The following SCAPER variants were observed in gnomAD, a reference collection of about 807,000 sequenced individuals.
SCAPER encodes S-phase cyclin A associated protein in the ER.
Under a neutral mutation model 182.2 loss-of-function variants are expected in SCAPER, and 98 were observed. That is an observed-to-expected ratio of 0.54 (90% CI 0.46 to 0.64). The LOEUF (loss-of-function observed/expected upper bound fraction) is 0.64, where lower values mean the gene tolerates loss of function less well. Among genes scored for constraint, SCAPER ranks in the 30% least tolerant of loss-of-function variants. The pLI, the probability that SCAPER is intolerant of heterozygous loss-of-function variation, is 0.00. For synonymous variants in SCAPER, 605 were observed against 564.6 expected (o/e 1.07, Z -1.01); for missense variants, 1,432 against 1,690.0 (o/e 0.85, Z 2.68).
intron 19 of SCAPER, 39 bp from the exon 20 acceptor site, chr15:76,701,904 A>T: frequency 6.8e-7 from 1 of 1,463,696 alleles, no homozygotes; most frequent in Non-Finnish European, 9.6e-7. Context: ...TCAATATAAC[A>T]TTATATGAAT....
intron 1 of SCAPER, among the ~76,000 whole-genome samples, chr15:76,899,100 A>G (rs2074598760): frequency 6.6e-6 from 1 of 152,236 alleles, no homozygotes; most frequent in Non-Finnish European, 1.5e-5. Flanking sequence ...AAAAATCTGT[A>G]ACACTATCTT....
In SCAPER at chr15:76,559,570, G is replaced by A. The variant is rs188759133; in HGVS notation, c.2838+14588C>T. On this transcript the variant is annotated intron_variant, in intron 23 of 31. Coordinates refer to ENST00000563290, the MANE Select transcript of SCAPER (RefSeq NM_020843.4). Reference sequence around the variant, plus strand: ...CAGTTCTTTATAGCAGTATGAAACAGACTAATACAATGTCCTTTACAGGAA... The same window carrying A: ...CAGTTCTTTATAGCAGTATGAAACAAACTAATACAATGTCCTTTACAGGAA... Among the ~76,000 whole-genome samples, 7 of 152,266 alleles carry A rather than the reference G, an allele frequency of 4.6e-5. No homozygotes were observed. In the East Asian group the frequency reaches 1.4e-3, roughly 29 times the overall value.
chr15:76,427,115 C>G (rs2142429627), intron 26 of SCAPER, among the ~76,000 whole-genome samples: 1 of 152,176 alleles, frequency 6.6e-6, no homozygotes, highest in South Asian at 2.1e-4. Flanking sequence ...TATGAATGTA[C>G]TAGAAGAAAA....
At chr15:76,387,355 T>C (rs2043356491) in intron 27 of SCAPER, among the ~76,000 whole-genome samples, 1 of 152,208 alleles carries the variant, frequency 6.6e-6, no homozygotes, top group Admixed American at 6.5e-5. Flanking sequence ...TTCCCAAGCA[T>C]AGGGATTTTT....
intron 29 of SCAPER, among the ~76,000 whole-genome samples, chr15:76,370,143 G>T (rs1434872461): frequency 6.6e-6 from 1 of 151,940 alleles, no homozygotes; most frequent in Non-Finnish European, 1.5e-5. Flanking sequence ...GTCCCCATGA[G>T]ATCAAAATGC....
Position 76,771,960 on chromosome 15 carries a change from A to G in SCAPER, c.1036-6T>C. The G allele has an allele frequency of 6.3e-7, 1 of 1,593,712 alleles. No homozygotes were observed. Among genetic ancestry groups the G allele is most frequent in the Non-Finnish European group, 8.6e-7 (1 of 1,166,902 alleles). ...TCCAATGTACTCACTGTGAACTAAC[A>G]AAACGTAGAGAATGAATCAGAGATA... On this transcript the variant is annotated splice_polypyrimidine_tract_variant and splice_region_variant and intron_variant, in intron 9 of 31. Coordinates refer to ENST00000563290, the MANE Select transcript of SCAPER (RefSeq NM_020843.4).
chr15:76,780,335 G>A (rs1266960497), intron 8 of SCAPER, among the ~76,000 whole-genome samples: 12 of 152,232 alleles, frequency 7.9e-5, no homozygotes, highest in African/African-American at 2.2e-4. Context: ...AGGGGCATCC[G>A]CCATTGCTGA....
chr15:76,441,574 A>G (rs2047603641), intron 25 of SCAPER, among the ~76,000 whole-genome samples: 1 of 152,142 alleles, frequency 6.6e-6, no homozygotes, highest in Non-Finnish European at 1.5e-5. Flanking sequence ...ATACTAAGTC[A>G]GTCTGTCTCT....
At chr15:76,753,685 T>C in intron 15 of SCAPER, 123 bp downstream of exon 15, 7 of 1,138,384 alleles carry the variant, frequency 6.1e-6, no homozygotes, top group Non-Finnish European at 8.5e-6. Flanking sequence ...AATGAGTGTG[T>C]AAAATGCTGT....
chr15:76,738,884 AAT>A (rs779067867), intron 15 of SCAPER, among the ~76,000 whole-genome samples: 24 of 152,342 alleles, frequency 1.6e-4, no homozygotes, highest in Middle Eastern at 3.4e-3. Context: ...TGTTGGAAAA[AAT>A]GGCAAAAATA....
chr15:76,865,840 T>C (rs776326075), intron 2 of SCAPER, among the ~76,000 whole-genome samples: 1 of 152,164 alleles, frequency 6.6e-6, no homozygotes, highest in Non-Finnish European at 1.5e-5. Context: ...GTACCCATAT[T>C]CCTTCATTCC....
Position 76,367,999 on chromosome 15 carries a change from C to A in SCAPER, c.3855+8163G>T, listed in dbSNP as rs2041919921. On this transcript the variant is annotated intron_variant, in intron 29 of 31. Transcript: ENST00000563290. The stretch of plus-strand genomic sequence containing the variant: ...AATGGTTGCACTGCTGAAACTCAGG[C>A]TCTTCCTTAGACATGATGTATTTCT... Among the ~76,000 whole-genome samples the A allele has an allele frequency of 2.0e-5, 3 of 152,138 alleles. 1 individual carries two copies. The highest frequency in any genetic ancestry group is 7.2e-5 in the African/African-American group (3 of 41,436).
At position 76,662,659 on chromosome 15, in the gene SCAPER, A is replaced by G. The variant is rs191505190; in HGVS notation, c.2645+2994T>C. 2.0e-3 allele frequency among the ~76,000 whole-genome samples: 302 copies of G among 152,310 alleles called. 3 individuals are homozygous for G. Among genetic ancestry groups the G allele is most frequent in the African/African-American group, 6.6e-3 (274 of 41,582 alleles). The stretch of plus-strand genomic sequence containing the variant: ...ACATCAATGGAATGCAATAGAGTCC[A>G]GAACAGAATCACACATATATGATAG... On this transcript the variant is annotated intron_variant, in intron 21 of 31. Transcript: ENST00000563290.
At position 76,546,046 on chromosome 15, in the gene SCAPER, A is replaced by T. The variant is rs79256615; in HGVS notation, c.2838+28112T>A. Among the ~76,000 whole-genome samples the T allele has an allele frequency of 9.0e-3, 1,372 of 152,214 alleles. 23 individuals are homozygous for T. Among genetic ancestry groups the T allele is most frequent in the African/African-American group, 0.032 (1,333 of 41,544 alleles). On this transcript the variant is annotated intron_variant, in intron 23 of 31. Coordinates refer to ENST00000563290, the MANE Select transcript of SCAPER (RefSeq NM_020843.4). ...TCAACATCCAGAACGCACAGAAGAA[A>T]CCCAAAAATAGCTATGCCTTGACAG...
intron 21 of SCAPER, among the ~76,000 whole-genome samples, chr15:76,627,271 ATTTT>A (rs912522620): frequency 6.6e-6 from 1 of 151,848 alleles, no homozygotes; most frequent in Non-Finnish European, 1.5e-5. Context: ...TTAAACCTCT[ATTTT>A]TTTTATCTTT....
intron 5 of SCAPER, among the ~76,000 whole-genome samples, chr15:76,813,218 T>C (rs2066775617): frequency 9.4e-6 from 1 of 106,776 alleles, no homozygotes; most frequent in African/African-American, 4.7e-5. Context: ...GAGTTCAATA[T>C]CCTTTCACTA....
chr15:76,728,297 T>C (rs983810506), intron 17 of SCAPER, among the ~76,000 whole-genome samples: 1 of 151,946 alleles, frequency 6.6e-6, no homozygotes, highest in African/African-American at 2.4e-5. Flanking sequence ...CCAAACTTGG[T>C]CCTCTAACCT....
intron 17 of SCAPER, among the ~76,000 whole-genome samples, chr15:76,708,721 T>A (rs566527566): frequency 7.4e-4 from 112 of 152,180 alleles, no homozygotes; most frequent in African/African-American, 2.4e-3. Context: ...TACATAAACC[T>A]TTAGCTAGAC....
chr15:76,518,773 A>G (rs157785), intron 23 of SCAPER, among the ~76,000 whole-genome samples: 152,358 of 152,376 alleles, frequency 1, 76,170 homozygotes, highest in Non-Finnish European at 1. Flanking sequence ...CTATACTTTG[A>G]TCATGGATGA....
Sources: allele counts gnomAD v4.1 joint callset (sites outside exome capture counted in the v4.1 genomes callset), GRCh38; gene constraint gnomAD v4.1.1; transcripts MANE v1.5; gene names NCBI Gene and HGNC (gene_info 2026-07-23, HGNC 2026-07-21).